The following SCAMP2 variants were observed in gnomAD, a reference collection of about 807,000 sequenced individuals.
SCAMP2 encodes the protein secretory carrier-associated membrane protein 2.
Under a neutral mutation model 44.1 loss-of-function variants are expected in SCAMP2, and 25 were observed. The ratio of observed to expected loss-of-function variants is 0.57; its 90% CI spans 0.41 to 0.79. The LOEUF is 0.79. SCAMP2 is among the 30% of genes least tolerant of loss of function. The pLI is 0.00. For synonymous variants in SCAMP2, 156 were observed against 166.0 expected, an observed-to-expected ratio of 0.94 and a Z score of 0.46; for missense variants, 355 against 411.0, an observed-to-expected ratio of 0.86 and a Z score of 1.18.
intron 7 of SCAMP2, chr15:74,848,282 T>A (rs2141170969): frequency 4.6e-6 from 1 of 219,142 alleles, no homozygotes; most frequent in Admixed American, 5.7e-5. Context: ...TTTCCTAGGC[T>A]GTCTCGAACT....
At chr15:74,869,319 C>A (rs556513327) in intron 1 of SCAMP2, among the ~76,000 whole-genome samples, 28 of 151,572 alleles carry the variant, frequency 1.8e-4, no homozygotes, top group South Asian at 4.2e-4. Flanking sequence ...AAAAAAAAAA[C>A]CAATAATAAA....
rs1005064946 is a variant in SCAMP2 at position 74,844,788 on chromosome 15, G to C, written c.*295C>G. On this transcript the variant is annotated 3_prime_UTR_variant, in exon 9 of 9. Transcript: ENST00000268099. ...ATCCCAACTGTGTGGGGGTGTCTGTGTGTGCACAGGACGAAGAGAACTTCA... is the reference window on the plus strand; with the variant it reads ...ATCCCAACTGTGTGGGGGTGTCTGTCTGTGCACAGGACGAAGAGAACTTCA... 9.3e-6 allele frequency: 3 copies of C among 322,458 alleles called. No homozygotes were observed. The highest frequency in any genetic ancestry group is 7.8e-5 in the South Asian group (2 of 25,586). 20.0% of individuals were successfully genotyped at this position (322,458 alleles called of 1,614,324 possible).
intron 7 of SCAMP2, among the ~76,000 whole-genome samples, chr15:74,846,446 CAA>C (rs35643920): frequency 0.46 from 50,151 of 109,202 alleles, 11,463 homozygotes; most frequent in Non-Finnish European, 0.6. Context: ...ACCCTGTCTC[CAA>C]AAAAAAAAAA....
At position 74,848,696 on chromosome 15, in the gene SCAMP2, T is replaced by A. The variant is rs2064415071; in HGVS notation, c.638A>T (p.Asp213Val). The change falls in exon 7 of 9, where the codon GAC becomes GTC. Residue 213 changes from aspartate to valine, a missense_variant. By Grantham distance (152) the Asp-to-Val change is radical (BLOSUM62 -3). Coordinates refer to ENST00000268099, the MANE Select transcript of SCAMP2 (RefSeq NM_005697.5). ...YRPIYKAFRS[D>V]NSFSFFVFFF... ...GAACACAAAGAAGCTGAAAGAGTTG[T>A]CGGACCTGTGGAGAGAGAGGGAAAT... 6.2e-7 allele frequency: 1 copy of A among 1,611,664 alleles called. No homozygotes were observed. Among genetic ancestry groups the A allele is most frequent in the Admixed American group, 1.7e-5 (1 of 59,964 alleles).
intron 1 of SCAMP2, among the ~76,000 whole-genome samples, chr15:74,861,831 G>A (rs1397074981): frequency 6.7e-6 from 1 of 149,666 alleles, no homozygotes; most frequent in Non-Finnish European, 1.5e-5. Flanking sequence ...AACCCAGGAG[G>A]TGGAGCTTGC....
chr15:74,849,395 C>G (rs1279714840), intron 6 of SCAMP2, among the ~76,000 whole-genome samples: 1 of 152,018 alleles, frequency 6.6e-6, no homozygotes, highest in Non-Finnish European at 1.5e-5. Flanking sequence ...TTGCAGTGAG[C>G]CGAGACTGCG....
chr15:74,854,232 C>G, intron 2 of SCAMP2, 113 bp from the exon 3 acceptor site: 1 of 963,954 alleles, frequency 1.0e-6, no homozygotes, highest in Non-Finnish European at 1.6e-6. Context: ...GGGACTCCCT[C>G]GGGGCCTGCA....
intron 2 of SCAMP2, 51 bp from the exon 3 acceptor site, chr15:74,854,170 T>C (rs1465027311): frequency 6.5e-7 from 1 of 1,534,782 alleles, no homozygotes. Flanking sequence ...CATTAGCTGG[T>C]GACGAGGGGG....
intron 7 of SCAMP2, chr15:74,848,350 G>A (rs1268517583): frequency 3.0e-6 from 1 of 337,974 alleles, no homozygotes; most frequent in East Asian, 5.1e-5. Flanking sequence ...TTCCAGGCAT[G>A]AGCCACTGCA....
chr15:74,859,017 C>T (rs898268827), intron 1 of SCAMP2, among the ~76,000 whole-genome samples: 2 of 151,782 alleles, frequency 1.3e-5, no homozygotes, highest in South Asian at 2.1e-4. Flanking sequence ...ACTGTGTTAG[C>T]CAGGATGGTC....
intron 1 of SCAMP2, among the ~76,000 whole-genome samples, chr15:74,863,097 C>G (rs756723542): frequency 9.9e-5 from 15 of 151,724 alleles, no homozygotes; most frequent in Non-Finnish European, 1.8e-4. Flanking sequence ...GTAATCCCAG[C>G]ATTTTGGGAG....
rs1433587802 is a variant in SCAMP2 at position 74,862,028 on chromosome 15, C to T, written c.58-7379G>A. On this transcript the variant is annotated intron_variant, in intron 1 of 8. Coordinates refer to ENST00000268099, the MANE Select transcript of SCAMP2 (RefSeq NM_005697.5). ...CAACACTTTGGGAGGCCGAGGCAGG[C>T]GGATCATTTGAGGTCAGGAGTTTGA... 2.7e-5 allele frequency among the ~76,000 whole-genome samples: 4 copies of T among 148,342 alleles called. No homozygotes were observed. In the East Asian group the frequency reaches 5.9e-4, roughly 22 times the overall value.
chr15:74,873,044 C>A, intron 1 of SCAMP2, 155 bp downstream of exon 1: 3 of 609,258 alleles, frequency 4.9e-6, no homozygotes, highest in South Asian at 2.7e-5. Flanking sequence ...GCGCCCCTCA[C>A]GCGTTACGAT....
intron 1 of SCAMP2, among the ~76,000 whole-genome samples, chr15:74,869,308 G>GA (rs956892195): frequency 9.4e-4 from 137 of 146,154 alleles, no homozygotes; most frequent in African/African-American, 2.5e-3. Flanking sequence ...TTCTCCAGTG[G>GA]AAAAAAAAAA....
chr15:74,844,879 G>T lies in SCAMP2; in HGVS notation c.*204C>A. On this transcript the variant is annotated 3_prime_UTR_variant, in exon 9 of 9. Coordinates refer to ENST00000268099, the MANE Select transcript of SCAMP2 (RefSeq NM_005697.5). Reference sequence around the variant, plus strand: ...TCACCAGAGAAGGAAAGAGAGCTTTGTTTTTTTTTGTACATAGAGGGGGAA... The same window carrying T: ...TCACCAGAGAAGGAAAGAGAGCTTTTTTTTTTTTTGTACATAGAGGGGGAA... The T allele has an allele frequency of 1.8e-6, 1 of 544,052 alleles. No individual in the cohort carries two copies. The highest frequency in any genetic ancestry group is 3.2e-6 in the Non-Finnish European group (1 of 308,370). 33.7% of individuals were successfully genotyped at this position (544,052 alleles called of 1,614,324 possible). A position where few individuals can be genotyped will look rare whatever the true frequency, so the allele number is the denominator to read the frequency against.
At chr15:74,861,900 CAAAAAAAAAAAA>C (rs71140103) in intron 1 of SCAMP2, among the ~76,000 whole-genome samples, 6 of 44,298 alleles carry the variant, frequency 1.4e-4, no homozygotes, top group African/African-American at 4.5e-4. Flanking sequence ...GACTCTGTCT[CAAAAAAAAAAAA>C]AAAAAAAAGA....
At position 74,845,458 on chromosome 15, in the gene SCAMP2, G is replaced by C. The variant is rs776587369; in HGVS notation, c.855+15C>G. On this transcript the variant is annotated intron_variant, in intron 8 of 8. Coordinates refer to ENST00000268099, the MANE Select transcript of SCAMP2 (RefSeq NM_005697.5). ...CCTCCTCCCATTTGCTGTCAGCCCTGCCCACACCACTCACCCGCTGCAGGA... is the reference window on the plus strand; with the variant it reads ...CCTCCTCCCATTTGCTGTCAGCCCTCCCCACACCACTCACCCGCTGCAGGA... The C allele has an allele frequency of 9.3e-6, 15 of 1,613,906 alleles. No individual in the cohort carries two copies. In the East Asian group the frequency reaches 2.7e-4, roughly 29 times the overall value.
rs1179746377 is a variant in SCAMP2, at chr15:74,845,590, A to C, written c.738T>G (p.Gly246=). ...CCAGTGTAGACAGGGCTGCAATCCAACCGCTATAAAGGGAAGAAGAGGCCA... is the reference window on the plus strand; with the variant it reads ...CCAGTGTAGACAGGGCTGCAATCCACCCGCTATAAAGGGAAGAAGAGGCCA... ...LVGIPGLGDS[G]WIAALSTLDN... The change falls in exon 8 of 9, where the codon GGT becomes GGG. Residue 246 remains glycine, a synonymous_variant. Coordinates refer to ENST00000268099, the MANE Select transcript of SCAMP2 (RefSeq NM_005697.5). 6.2e-7 allele frequency: 1 copy of C among 1,613,936 alleles called. No individual in the cohort carries two copies. The highest frequency in any genetic ancestry group is 1.3e-5 in the African/African-American group (1 of 75,040).
chr15:74,873,327 G>T lies in SCAMP2; in HGVS notation c.-72C>A. On this transcript the variant is annotated 5_prime_UTR_variant, in exon 1 of 9. Transcript: ENST00000268099. Reference sequence around the variant, plus strand: ...GGGCACCCAGACCCAGCGGCGCTTCGTGTAGACCCTCCACTTCCGGGAGCG... The same window carrying T: ...GGGCACCCAGACCCAGCGGCGCTTCTTGTAGACCCTCCACTTCCGGGAGCG... 2.2e-6 allele frequency: 3 copies of T among 1,348,822 alleles called. No individual in the cohort carries two copies. The highest frequency in any genetic ancestry group is 1.5e-5 in the South Asian group (1 of 66,268). The allele number at this position is 1,348,822 out of a possible 1,614,324, so 83.6% of individuals were successfully genotyped here.
Sources: gnomAD v4.1 joint callset for allele counts (sites outside exome capture counted in the v4.1 genomes callset) on GRCh38, gnomAD v4.1.1 for gene constraint, MANE v1.5 for transcripts, NCBI Gene and HGNC (gene_info 2026-07-23, HGNC 2026-07-21) for gene names.